The following LHFPL3 variants were observed in gnomAD, a reference collection of about 807,000 sequenced individuals.
LHFPL3 encodes the protein LHFPL tetraspan subfamily member 3.
In LHFPL3, 5 loss-of-function variants were observed where a neutral mutation model predicts 19.3. That is an observed-to-expected ratio of 0.26 (90% confidence interval 0.14 to 0.54). The LOEUF is 0.54. Ranked by LOEUF, LHFPL3 falls within the 20% of genes least tolerant of loss-of-function variation. The pLI is 0.94. For missense variants in LHFPL3, 249 were observed against 307.4 expected, an observed-to-expected ratio of 0.81 and a Z score of 1.42; for synonymous variants, 133 against 126.2, an observed-to-expected ratio of 1.05 and a Z score of -0.36.
intron 1 of LHFPL3, among the ~76,000 whole-genome samples, chr7:104,674,907 C>T (rs541670612): frequency 6.6e-6 from 1 of 152,216 alleles, no homozygotes; most frequent in Non-Finnish European, 1.5e-5. Context: ...TATAGAAGAT[C>T]TGAGAAATTC....
intron 2 of LHFPL3, among the ~76,000 whole-genome samples, chr7:104,771,624 T>C (rs1381046116): frequency 1.3e-5 from 2 of 152,028 alleles, no homozygotes; most frequent in East Asian, 1.9e-4. Flanking sequence ...TACAGCCCAA[T>C]GAATATTGAT....
chr7:104,420,554 ATTTTTTT>A (rs71153195), intron 1 of LHFPL3, among the ~76,000 whole-genome samples: 3 of 112,710 alleles, frequency 2.7e-5, no homozygotes, highest in Non-Finnish European at 5.2e-5. Flanking sequence ...CAAAGGGTGA[ATTTTTTT>A]TTTTTTTTTT....
intron 1 of LHFPL3, among the ~76,000 whole-genome samples, chr7:104,609,631 G>A (rs1228948301): frequency 6.6e-6 from 1 of 152,194 alleles, no homozygotes; most frequent in African/African-American, 2.4e-5. Context: ...TTATTACACA[G>A]TGCCCATAAA....
chr7:104,500,746 AT>A (rs1451547116), intron 1 of LHFPL3, among the ~76,000 whole-genome samples: 1 of 152,174 alleles, frequency 6.6e-6, no homozygotes, highest in East Asian at 1.9e-4. Flanking sequence ...CAAGCCTAAA[AT>A]TCTTGAGCAA....
intron 1 of LHFPL3, among the ~76,000 whole-genome samples, chr7:104,369,357 T>C (rs1230266693): frequency 6.6e-6 from 1 of 152,256 alleles, no homozygotes; most frequent in Non-Finnish European, 1.5e-5. Context: ...CTTTCACTAA[T>C]ATAATGCTTT....
At chr7:104,347,899 A>T (rs1271477480) in intron 1 of LHFPL3, among the ~76,000 whole-genome samples, 2 of 151,570 alleles carry the variant, frequency 1.3e-5, no homozygotes, top group African/African-American at 4.8e-5. Flanking sequence ...TTAAAAAAAA[A>T]AAACAAAATA....
intron 1 of LHFPL3, among the ~76,000 whole-genome samples, chr7:104,408,570 G>A (rs1410205189): frequency 3.9e-5 from 6 of 152,038 alleles, no homozygotes; most frequent in Admixed American, 1.3e-4. Flanking sequence ...CATCTCTGTG[G>A]GGTAAAATCT....
intron 2 of LHFPL3, among the ~76,000 whole-genome samples, chr7:104,737,182 T>C (rs1793844225): frequency 1.3e-5 from 2 of 152,020 alleles, no homozygotes; most frequent in African/African-American, 4.8e-5. Flanking sequence ...TCTTCCCTCT[T>C]CCTCTGATTT....
intron 2 of LHFPL3, among the ~76,000 whole-genome samples, chr7:104,840,617 G>T (rs1382971378): frequency 3.4e-5 from 5 of 149,030 alleles, no homozygotes; most frequent in Non-Finnish European, 7.4e-5. Context: ...CCACTCCCAG[G>T]TTCTTTCATT....
At chr7:104,549,180 C>T (rs1246651710) in intron 1 of LHFPL3, among the ~76,000 whole-genome samples, 1 of 152,024 alleles carries the variant, frequency 6.6e-6, no homozygotes, top group African/African-American at 2.4e-5. Flanking sequence ...GTCCACACTC[C>T]GTGCAGTAAC....
chr7:104,697,223 A>G (rs1793014467), intron 1 of LHFPL3, among the ~76,000 whole-genome samples: 1 of 152,186 alleles, frequency 6.6e-6, no homozygotes, highest in African/African-American at 2.4e-5. Flanking sequence ...CCAATATATG[A>G]ATTTGCGGGG....
At chr7:104,888,048 C>A (rs1290469091) in intron 2 of LHFPL3, among the ~76,000 whole-genome samples, 1 of 152,188 alleles carries the variant, frequency 6.6e-6, no homozygotes, top group South Asian at 2.1e-4. Flanking sequence ...CTGCTGTGGG[C>A]TGATCCTTCA....
chr7:104,514,201 T>G (rs1161213565), intron 1 of LHFPL3, among the ~76,000 whole-genome samples: 2 of 152,156 alleles, frequency 1.3e-5, no homozygotes, highest in Non-Finnish European at 2.9e-5. Context: ...TCTCTTTCTT[T>G]GTCTCTCTCT....
At position 104,847,709 on chromosome 7, in the gene LHFPL3, G is replaced by A. The variant is rs149636349; in HGVS notation, c.683-58478G>A. Among the ~76,000 whole-genome samples the A allele has an allele frequency of 2.2e-3, 331 of 152,292 alleles. 5 individuals carry two copies. Among genetic ancestry groups the A allele is most frequent in the African/African-American group, 7.7e-3 (322 of 41,560 alleles). ...GTATTTTTAATAGAGACGAGATTTCGCCATGTTGGCCAGCCTGGTATCGAA... is the reference window on the plus strand; with the variant it reads ...GTATTTTTAATAGAGACGAGATTTCACCATGTTGGCCAGCCTGGTATCGAA... On this transcript the variant is annotated intron_variant, in intron 2 of 2. Coordinates refer to ENST00000424859, the MANE Select transcript of LHFPL3 (RefSeq NM_199000.3).
intron 1 of LHFPL3, among the ~76,000 whole-genome samples, chr7:104,655,702 T>A (rs1792109241): frequency 1.3e-5 from 2 of 152,228 alleles, no homozygotes; most frequent in Non-Finnish European, 2.9e-5. Context: ...CAGTGGGATT[T>A]TAACTTATGC....
chr7:104,384,154 G>T (rs1372937748), intron 1 of LHFPL3, among the ~76,000 whole-genome samples: 9 of 152,158 alleles, frequency 5.9e-5, no homozygotes, highest in Admixed American at 2.0e-4. Flanking sequence ...ACTACTGGGG[G>T]TGCTGAGTAT....
chr7:104,702,918 G>A (rs1016595574), intron 1 of LHFPL3, among the ~76,000 whole-genome samples: 4 of 152,082 alleles, frequency 2.6e-5, no homozygotes, highest in South Asian at 4.2e-4. Context: ...ATCCTGGAAG[G>A]TCCCAGCTGT....
intron 2 of LHFPL3, among the ~76,000 whole-genome samples, chr7:104,805,406 ATG>A (rs1790339642): frequency 6.6e-6 from 1 of 152,172 alleles, no homozygotes; most frequent in Non-Finnish European, 1.5e-5. Flanking sequence ...GTCCTTGTTA[ATG>A]GCCAATGACA....
chr7:104,554,672 T>TAGAC (rs1562932790), intron 1 of LHFPL3, among the ~76,000 whole-genome samples: 1 of 150,432 alleles, frequency 6.6e-6, no homozygotes, highest in Admixed American at 6.6e-5. Flanking sequence ...GATAGATAGA[T>TAGAC]AGATAGATAG....
Sources: allele counts gnomAD v4.1 joint callset (sites outside exome capture counted in the v4.1 genomes callset), GRCh38; gene constraint gnomAD v4.1.1; transcripts MANE v1.5; gene names NCBI Gene and HGNC (gene_info 2026-07-23, HGNC 2026-07-21).